The following GGT7 variants were observed in gnomAD, a reference collection of about 807,000 sequenced individuals.
GGT7 encodes the protein glutathione hydrolase 7.
GGT7 carries 30 observed loss-of-function variants against 69.2 expected under a neutral mutation model. The ratio of observed to expected loss-of-function variants is 0.43; its 90% CI spans 0.32 to 0.59. GGT7 has a LOEUF of 0.59. Ranked by LOEUF, GGT7 falls within the 20% of genes least tolerant of loss-of-function variation. GGT7 has a pLI of 0.05. For synonymous variants in GGT7, 388 were observed against 391.8 expected (o/e 0.99, Z 0.12); for missense variants, 733 against 901.1 (o/e 0.81, Z 2.39).
In GGT7 at chr20:34,845,441, C is replaced by A; in HGVS notation, c.1876G>T (p.Val626Leu). The stretch of plus-strand genomic sequence containing the variant: ...CAGGATAAGACATCTACTTTCTCCA[C>A]GTGGTGACCCCTGGCTTCCAGGAAC... ...IEFLEARGHH[V>L]EKVDVLSWVH... Residue 626 changes from valine (V) to leucine (L), a missense_variant, in exon 15 of 15, where the codon GTG (valine) becomes TTG (leucine). Transcript: ENST00000336431. 1 of 1,614,110 alleles carries A rather than the reference C, an allele frequency of 6.2e-7. No homozygotes were observed. The highest frequency in any genetic ancestry group is 8.5e-7 in the Non-Finnish European group (1 of 1,179,974).
At chr20:34,860,915 T>C (rs937976486) in intron 4 of GGT7, among the ~76,000 whole-genome samples, 6 of 152,136 alleles carry the variant, frequency 3.9e-5, no homozygotes, top group African/African-American at 1.4e-4. Flanking sequence ...AACCCTACCT[T>C]TTAAAACGGT....
chr20:34,856,655 C>T, intron 8 of GGT7, 151 bp downstream of exon 8: 1 of 626,308 alleles, frequency 1.6e-6, no homozygotes, highest in Non-Finnish European at 2.9e-6. Context: ...TGGGCTGACT[C>T]TGGTTTGCTT....
intron 1 of GGT7, among the ~76,000 whole-genome samples, chr20:34,871,304 AG>A (rs2079774441): frequency 6.6e-6 from 1 of 152,214 alleles, no homozygotes; most frequent in African/African-American, 2.4e-5. Flanking sequence ...ACTAAGGCCC[AG>A]GACAGGGTAG....
At chr20:34,855,799 G>GTA in intron 8 of GGT7, among the ~76,000 whole-genome samples, 1 of 136,088 alleles carries the variant, frequency 7.3e-6, no homozygotes, top group African/African-American at 2.9e-5. Flanking sequence ...CTGTGTGTGT[G>GTA]TGTGTGTGTG....
chr20:34,861,296 G>C (rs1165453385), intron 4 of GGT7, 149 bp downstream of exon 4: 1 of 433,050 alleles, frequency 2.3e-6, no homozygotes, highest in African/African-American at 2.0e-5. Context: ...TATCTTGGGG[G>C]CTGCCTGACT....
rs1233845801 is a variant in GGT7 at position 34,845,477 on chromosome 20, C to A, written c.1840G>T (p.Glu614Ter). ...LLQVDSEFTEEEIEFLEARGH... is the reference protein window; with the variant it reads ...LLQVDSEFTE The stretch of plus-strand genomic sequence containing the variant: ...CTGGCTTCCAGGAACTCAATCTCTT[C>A]CTCTGTGAACTCACCTGAAAACCAT... Residue 614 changes from glutamate (E) to a stop codon, truncating the protein, a stop_gained, in exon 15 of 15, where the codon GAA (glutamate) becomes TAA (stop). Transcript: ENST00000336431. LOFTEE classifies it high-confidence loss of function. The A allele has an allele frequency of 6.2e-7, 1 of 1,613,946 alleles. No individual in the cohort carries two copies. The highest frequency in any genetic ancestry group is 1.7e-5 in the Admixed American group (1 of 60,018).
At chr20:34,870,690 T>C (rs1302708104) in intron 1 of GGT7, among the ~76,000 whole-genome samples, 1 of 152,080 alleles carries the variant, frequency 6.6e-6, no homozygotes, top group Admixed American at 6.6e-5. Context: ...CAGGCTGTTT[T>C]TGAACTCCTG....
Position 34,863,564 on chromosome 20 carries a change from C to G in GGT7, c.170-16G>C. ...GAGTCCGGGTCTGCGGGCAGGCAGC[C>G]GGGGTCGGTCTGGGCATCTCCTATC... On this transcript the variant is annotated splice_polypyrimidine_tract_variant and intron_variant, in intron 1 of 14. Coordinates refer to ENST00000336431, the MANE Select transcript of GGT7 (RefSeq NM_178026.3). This position sits in a 1 kb window ranked among gnomAD's most constrained non-coding sequence, Gnocchi z 4.4. 6.5e-7 allele frequency: 1 copy of G among 1,532,184 alleles called. No individual in the cohort carries two copies. The highest frequency in any genetic ancestry group is 8.9e-7 in the Non-Finnish European group (1 of 1,129,822). 94.9% of individuals were successfully genotyped at this position (1,532,184 alleles called of 1,614,324 possible). A position where few individuals can be genotyped will look rare whatever the true frequency, so the allele number is the denominator to read the frequency against.
At position 34,854,874 on chromosome 20, in the gene GGT7, G is replaced by C; in HGVS notation, c.1152C>G (p.Ile384Met). 1 of 1,613,994 alleles carries C rather than the reference G, an allele frequency of 6.2e-7. No homozygotes were observed. Among genetic ancestry groups the C allele is most frequent in the Non-Finnish European group, 8.5e-7 (1 of 1,179,868 alleles). The change falls in exon 9 of 15, where the codon ATC becomes ATG. Residue 384 changes from isoleucine (I) to methionine (M), a missense_variant. Physicochemically the swap from Ile to Met is conservative, Grantham distance 10. Transcript: ENST00000336431. ...AGCCCTCCAGGATGTTGAGAGCACT[G>C]ATGAGGGCAGGGCCCGTGTGCGGAG... ...PPPPHTGPAL[I>M]SALNILEGFN...
In GGT7 at chr20:34,850,008, C is replaced by T. The variant is rs771238698; in HGVS notation, c.1778G>A (p.Arg593His). The T allele has an allele frequency of 1.1e-5, 17 of 1,613,732 alleles. No individual in the cohort carries two copies. The highest frequency in any genetic ancestry group is 4.4e-5 in the South Asian group (4 of 91,074). Reference sequence around the variant, plus strand: ...CTGCAGGTCCGGGTGTAGGCGGCCGCGGGCCAGGCTGTCACTCAGGTTCCG... The same window carrying T: ...CTGCAGGTCCGGGTGTAGGCGGCCGTGGGCCAGGCTGTCACTCAGGTTCCG... ...LNRNLSDSLA[R>H]GRLHPDLQSN... The change falls in exon 14 of 15, where the codon CGC becomes CAC. Residue 593 changes from arginine (R) to histidine (H), a missense_variant. Coordinates refer to ENST00000336431, the MANE Select transcript of GGT7 (RefSeq NM_178026.3).
chr20:34,863,646 CCA>C lies in GGT7; in HGVS notation c.170-100_170-99del, dbSNP rs2079639985. ...CAGCGCTTTCCCTGCCCCGCCCCTG[CCA>C]CACAATCCCCGCACTGGCTAGCACT... On this transcript the variant is annotated intron_variant, in intron 1 of 14. Transcript: ENST00000336431. The surrounding 1 kb of genome is among the most constrained non-coding windows in gnomAD (Gnocchi z 4.4). 1 of 809,486 alleles carries C rather than the reference CCA, an allele frequency of 1.2e-6. No individual in the cohort carries two copies. The highest frequency in any genetic ancestry group is 2.1e-6 in the Non-Finnish European group (1 of 469,912). The allele number at this position is 809,486 out of a possible 1,614,324, so 50.1% of individuals were successfully genotyped here. A position where few individuals can be genotyped will look rare whatever the true frequency, so the allele number is the denominator to read the frequency against.
Position 34,862,985 on chromosome 20 carries a change from T to G in GGT7, c.406-20A>C, listed in dbSNP as rs1439966140. On this transcript the variant is annotated intron_variant, in intron 2 of 14. Transcript: ENST00000336431. ...GAAGATCTGGGAGGGGAAAGAGGACTTGGTGGGGGCAGGAGGAGCTGTCCA... is the reference window on the plus strand; with the variant it reads ...GAAGATCTGGGAGGGGAAAGAGGACGTGGTGGGGGCAGGAGGAGCTGTCCA... The G allele has an allele frequency of 6.2e-7, 1 of 1,605,802 alleles. No homozygotes were observed. Among genetic ancestry groups the G allele is most frequent in the South Asian group, 1.1e-5 (1 of 89,846 alleles).
At chr20:34,859,364 G>A in intron 7 of GGT7, 79 bp downstream of exon 7, 1 of 1,092,162 alleles carries the variant, frequency 9.2e-7, no homozygotes, top group Non-Finnish European at 1.3e-6. Flanking sequence ...GGGAGGGAAG[G>A]AAGGAAAAAA....
rs1025342370 is a variant in GGT7, at chr20:34,853,011, G to A, written c.1320-473C>T. Among the ~76,000 whole-genome samples, 5 of 151,846 alleles carry A rather than the reference G, an allele frequency of 3.3e-5. 1 individual carries two copies. The highest frequency in any genetic ancestry group is 4.1e-4 in the South Asian group (2 of 4,826). ...GTCACACAGGCTGGAGTGCAGTGAC[G>A]CTGTCTCAGCTCACTGCAACCTCTG... is the stretch of plus-strand genomic sequence containing the variant. On this transcript the variant is annotated intron_variant, in intron 10 of 14. Coordinates refer to ENST00000336431, the MANE Select transcript of GGT7 (RefSeq NM_178026.3).
chr20:34,860,375 G>T (rs530663107), intron 4 of GGT7, 54 bp from the exon 5 acceptor site: 12 of 1,373,146 alleles, frequency 8.7e-6, no homozygotes, highest in East Asian at 2.3e-5. Context: ...TGGAAGGGGG[G>T]TGCTGGGCTG....
At chr20:34,854,996 A>G (rs1382957533) in intron 8 of GGT7, 73 bp from the exon 9 acceptor site, 2 of 1,466,552 alleles carry the variant, frequency 1.4e-6, no homozygotes, top group African/African-American at 2.8e-5. Context: ...CCATCTCCAC[A>G]TTCCACCATC....
At position 34,846,436 on chromosome 20, in the gene GGT7, T is replaced by C. The variant is rs904257736; in HGVS notation, c.1826-945A>G. 5.3e-5 allele frequency among the ~76,000 whole-genome samples: 8 copies of C among 152,136 alleles called. No homozygotes were observed. In the East Asian group the frequency reaches 1.4e-3, roughly 26 times the overall value. On this transcript the variant is annotated intron_variant, in intron 14 of 14. Transcript: ENST00000336431. The stretch of plus-strand genomic sequence containing the variant: ...CTCCTGCCTCAGCCTCCCCAGTAGC[T>C]GGGATAACAGGCTTGCGCCACCACA...
chr20:34,849,470 C>A (rs2079354298), intron 14 of GGT7, among the ~76,000 whole-genome samples: 1 of 152,136 alleles, frequency 6.6e-6, no homozygotes, highest in Non-Finnish European at 1.5e-5. Flanking sequence ...CAGTTTCTTT[C>A]TCACTCTTTA....
intron 4 of GGT7, 54 bp from the exon 5 acceptor site, chr20:34,860,375 G>A (rs530663107): frequency 7.3e-7 from 1 of 1,373,146 alleles, no homozygotes; most frequent in Non-Finnish European, 1.0e-6. Context: ...TGGAAGGGGG[G>A]TGCTGGGCTG....
Sources: allele counts gnomAD v4.1 joint callset (sites outside exome capture counted in the v4.1 genomes callset), GRCh38; gene constraint gnomAD v4.1.1; non-coding constraint Gnocchi (gnomAD v3.1); transcripts MANE v1.5; gene names NCBI Gene and HGNC (gene_info 2026-07-23, HGNC 2026-07-21).